Variants in ALPK2 observed in about 807,000 individuals in gnomAD.
The protein encoded by ALPK2 is alpha-protein kinase 2.
A neutral mutation model predicts 163.1 loss-of-function variants in ALPK2; 127 were observed. That is an observed-to-expected ratio of 0.78 (90% confidence interval 0.67 to 0.90). ALPK2 has a LOEUF of 0.90. Among genes scored for constraint, ALPK2 ranks in the 40% least tolerant of loss-of-function variants. The pLI is 0.00. For missense variants in ALPK2, 2,360 were observed against 2,589.6 expected (o/e 0.91, Z 1.92); for synonymous variants, 953 against 959.1 (o/e 0.99, Z 0.12).
rs974353501 is a variant in ALPK2, at chr18:58,490,036, A to C, written c.6297-7997T>G. Among the ~76,000 whole-genome samples, 3 of 151,792 alleles carry C rather than the reference A, an allele frequency of 2.0e-5. No individual in the cohort carries two copies. The East Asian group carries it at 5.8e-4, about 29-fold the overall frequency. On this transcript the variant is annotated intron_variant, in intron 12 of 12. Transcript: ENST00000361673. The stretch of plus-strand genomic sequence containing the variant: ...CAGTGAGCCAGGATTGTGCCACTGC[A>C]CTCCACCCTTGGTGACAGAGTGAGA...
intron 10 of ALPK2, among the ~76,000 whole-genome samples, chr18:58,508,061 A>G (rs915968157): frequency 3.9e-5 from 6 of 152,180 alleles, no homozygotes; most frequent in Non-Finnish European, 1.5e-5. Context: ...ATCAGCTGGT[A>G]CCACCCAGAC....
rs897633328 is a variant in ALPK2, at chr18:58,537,985, C to T, written c.2202G>A (p.Arg734=). 27 of 1,614,040 alleles carry T rather than the reference C, an allele frequency of 1.7e-5. No individual in the cohort carries two copies. Among genetic ancestry groups the T allele is most frequent in the Non-Finnish European group, 2.1e-5 (25 of 1,180,038 alleles). The change falls in exon 5 of 13, where the codon AGG becomes AGA. Residue 734 remains arginine (R), a synonymous_variant. Transcript: ENST00000361673. Reference sequence around the variant, plus strand: ...TGCTCTGCTCATATTTTAGGTCTTCCCTGAAATTGTCAGGTATGTTGCCAT... The same window carrying T: ...TGCTCTGCTCATATTTTAGGTCTTCTCTGAAATTGTCAGGTATGTTGCCAT... ...DRDGNIPDNF[R]EDLKYEQSIS...
At chr18:58,539,505 T>C (rs1026361714) in intron 4 of ALPK2, among the ~76,000 whole-genome samples, 3 of 152,198 alleles carry the variant, frequency 2.0e-5, no homozygotes, top group African/African-American at 7.2e-5. Flanking sequence ...TTTAGCTCAT[T>C]GATTATTTCA....
intron 8 of ALPK2, among the ~76,000 whole-genome samples, chr18:58,522,748 G>A (rs543618605): frequency 6.6e-6 from 1 of 152,168 alleles, no homozygotes; most frequent in African/African-American, 2.4e-5. Context: ...GATGCTTAAA[G>A]GGAAAAGTCA....
chr18:58,498,859 T>C (rs1397485494), intron 11 of ALPK2, among the ~76,000 whole-genome samples: 1 of 152,220 alleles, frequency 6.6e-6, no homozygotes, highest in Non-Finnish European at 1.5e-5. Flanking sequence ...TCCATTAGCC[T>C]CTTTTTCTTT....
chr18:58,483,599 G>A (rs959102814), intron 12 of ALPK2, among the ~76,000 whole-genome samples: 1 of 151,676 alleles, frequency 6.6e-6, no homozygotes, highest in Admixed American at 6.6e-5. Flanking sequence ...TGCCCAGGCT[G>A]GAGTGCAATG....
In ALPK2 at chr18:58,580,455, T is replaced by G. The variant is rs1162659730; in HGVS notation, c.321A>C (p.Ser107=). The G allele has an allele frequency of 1.9e-6, 3 of 1,614,200 alleles. No homozygotes were observed. Among genetic ancestry groups the G allele is most frequent in the Non-Finnish European group, 2.5e-6 (3 of 1,180,038 alleles). ...CCSASVEVEC[S]SENPQLSPNL... ...TAGGAGACAATTGTGGGTTCTCTGA[T>G]GAGCACTCAACCTCAACGGAAGCAG... Residue 107 remains serine, a synonymous_variant, in exon 4 of 13, where the codon TCA becomes TCC. Coordinates refer to ENST00000361673, the MANE Select transcript of ALPK2 (RefSeq NM_052947.4).
intron 12 of ALPK2, among the ~76,000 whole-genome samples, chr18:58,495,807 G>A (rs1602185579): frequency 6.6e-6 from 1 of 151,976 alleles, no homozygotes; most frequent in Non-Finnish European, 1.5e-5. Context: ...TTAACTGGGG[G>A]AATACTCAGG....
chr18:58,613,001 G>T (rs1213873137), intron 1 of ALPK2, among the ~76,000 whole-genome samples: 2 of 152,142 alleles, frequency 1.3e-5, no homozygotes, highest in Non-Finnish European at 2.9e-5. Flanking sequence ...GCAGACACCT[G>T]AGCTAAGCTC....
chr18:58,526,491 A>G (rs2051585738), intron 6 of ALPK2, among the ~76,000 whole-genome samples: 1 of 152,182 alleles, frequency 6.6e-6, no homozygotes, highest in African/African-American at 2.4e-5. Flanking sequence ...GTGCTCCATG[A>G]CCTTGCTCAG....
chr18:58,571,256 A>G (rs1236802920), intron 4 of ALPK2, among the ~76,000 whole-genome samples: 3 of 152,030 alleles, frequency 2.0e-5, no homozygotes, highest in Non-Finnish European at 4.4e-5. Flanking sequence ...TCCTGGCTCA[A>G]GTGATTCACC....
chr18:58,482,127 T>C (rs2051314896), intron 12 of ALPK2, 88 bp from the exon 13 acceptor site: 1 of 922,432 alleles, frequency 1.1e-6, no homozygotes, highest in African/African-American at 1.6e-5. Context: ...GGAAAACTAA[T>C]GGTGCATGGA....
chr18:58,574,438 C>CAAAAA (rs34107333), intron 4 of ALPK2, among the ~76,000 whole-genome samples: 1 of 49,412 alleles, frequency 2.0e-5, no homozygotes, highest in Non-Finnish European at 3.9e-5. Context: ...GACTCCATCT[C>CAAAAA]AAAAAAAAAA....
At chr18:58,521,506 A>T (rs761180358) in intron 8 of ALPK2, among the ~76,000 whole-genome samples, 3 of 152,150 alleles carry the variant, frequency 2.0e-5, no homozygotes, top group Non-Finnish European at 2.9e-5. Flanking sequence ...TGTATGCTAC[A>T]CACTAAAGAC....
At position 58,579,096 on chromosome 18, in the gene ALPK2, A is replaced by G; in HGVS notation, c.1680T>C (p.Gly560=). 6.2e-7 allele frequency: 1 copy of G among 1,614,156 alleles called. No homozygotes were observed. Among genetic ancestry groups the G allele is most frequent in the South Asian group, 1.1e-5 (1 of 91,074 alleles). Reference sequence around the variant, plus strand: ...CTTTGGCAGAGCAGAGATGAAGGGTACCTTCTGTTGTACTTTCTCTCAGGT... The same window carrying G: ...CTTTGGCAGAGCAGAGATGAAGGGTGCCTTCTGTTGTACTTTCTCTCAGGT... The part of the protein sequence containing the change: ...NANLRESTTE[G]TLHLCSAKES... The change falls in exon 4 of 13, where the codon GGT becomes GGC. Residue 560 remains glycine (G), a synonymous_variant. Coordinates refer to ENST00000361673, the MANE Select transcript of ALPK2 (RefSeq NM_052947.4).
intron 12 of ALPK2, among the ~76,000 whole-genome samples, chr18:58,491,469 T>C (rs1568064685): frequency 6.6e-6 from 1 of 152,190 alleles, no homozygotes; most frequent in Non-Finnish European, 1.5e-5. Context: ...AGCCTGGTGC[T>C]TGAGATGTTT....
chr18:58,577,478 G>A (rs2051927966), intron 4 of ALPK2, among the ~76,000 whole-genome samples: 1 of 152,178 alleles, frequency 6.6e-6, no homozygotes, highest in Non-Finnish European at 1.5e-5. Flanking sequence ...ACTAGAAAAG[G>A]AAATGCCATG....
chr18:58,542,029 G>A (rs569625548), intron 4 of ALPK2, among the ~76,000 whole-genome samples: 1 of 152,336 alleles, frequency 6.6e-6, no homozygotes, highest in South Asian at 2.1e-4. Flanking sequence ...AACTTCGAGT[G>A]AGTGCTGACA....
intron 1 of ALPK2, among the ~76,000 whole-genome samples, chr18:58,620,159 C>T (rs1222100672): frequency 2.0e-5 from 3 of 152,126 alleles, no homozygotes; most frequent in Non-Finnish European, 4.4e-5. Context: ...GGCATGGTGT[C>T]GGGTGCATGA....
Sources: gnomAD v4.1 joint callset for allele counts (sites outside exome capture counted in the v4.1 genomes callset) on GRCh38, gnomAD v4.1.1 for gene constraint, MANE v1.5 for transcripts, NCBI Gene and HGNC (gene_info 2026-07-23, HGNC 2026-07-21) for gene names.